The following CNTN5 variants were observed in gnomAD, a reference collection of about 807,000 sequenced individuals.
CNTN5 encodes the protein contactin-5.
In CNTN5, 77 loss-of-function variants were observed where a neutral mutation model predicts 129.1. The ratio of observed to expected loss-of-function variants is 0.60; its 90% CI spans 0.50 to 0.72. The LOEUF is 0.72. Ranked by LOEUF, CNTN5 falls within the 30% of genes least tolerant of loss-of-function variation. The probability of loss-of-function intolerance (pLI) is 0.00; values close to 1 mark genes in which losing one functional copy is unlikely to be tolerated. For synonymous variants in CNTN5, 509 were observed against 465.6 expected (o/e 1.09, Z -1.20); for missense variants, 1,478 against 1,328.8 (o/e 1.11, Z -1.75).
chr11:99,635,732 G>T (rs988300064), intron 3 of CNTN5, among the ~76,000 whole-genome samples: 1 of 152,066 alleles, frequency 6.6e-6, no homozygotes, highest in Non-Finnish European at 1.5e-5. Context: ...AAAATGACAA[G>T]CTCATGGTAG....
intron 3 of CNTN5, among the ~76,000 whole-genome samples, chr11:99,726,426 G>C (rs9666801): frequency 8.9e-4 from 136 of 152,244 alleles, no homozygotes; most frequent in African/African-American, 3.0e-3. Flanking sequence ...GAAGCAAGGA[G>C]AGTTTGATAG....
intron 7 of CNTN5, among the ~76,000 whole-genome samples, chr11:99,929,134 C>A (rs974664716): frequency 2.0e-5 from 3 of 152,284 alleles, no homozygotes; most frequent in East Asian, 1.9e-4. Flanking sequence ...CAGTTCCCAA[C>A]AAGTTCCTCA....
At chr11:99,717,185 T>C (rs1955274945) in intron 3 of CNTN5, among the ~76,000 whole-genome samples, 2 of 152,098 alleles carry the variant, frequency 1.3e-5, no homozygotes. Flanking sequence ...TGCAAACCTG[T>C]AGTATTTGTA....
chr11:99,651,598 A>G (rs1952159765), intron 3 of CNTN5, among the ~76,000 whole-genome samples: 1 of 151,982 alleles, frequency 6.6e-6, no homozygotes, highest in Admixed American at 6.6e-5. Context: ...TTTTATTTTT[A>G]TCAAATCTGT....
chr11:99,274,070 T>C (rs1863307327), intron 1 of CNTN5, among the ~76,000 whole-genome samples: 1 of 151,766 alleles, frequency 6.6e-6, no homozygotes. Context: ...CTTCAAGTGC[T>C]CAGTAGCCAC....
intron 9 of CNTN5, among the ~76,000 whole-genome samples, chr11:100,029,236 T>A (rs1941582032): frequency 6.6e-6 from 1 of 152,186 alleles, no homozygotes; most frequent in Non-Finnish European, 1.5e-5. Context: ...TGAAATATTC[T>A]CTGCCTAAAA....
intron 21 of CNTN5, among the ~76,000 whole-genome samples, chr11:100,335,728 A>G (rs1952023935): frequency 6.6e-6 from 1 of 151,542 alleles, no homozygotes; most frequent in African/African-American, 2.4e-5. Context: ...AGATTATGCA[A>G]TTACACTCCA....
intron 6 of CNTN5, among the ~76,000 whole-genome samples, chr11:99,902,819 A>G (rs986978552): frequency 6.6e-6 from 1 of 152,152 alleles, no homozygotes; most frequent in African/African-American, 2.4e-5. Context: ...CTAAATGAAG[A>G]TCACAAATTA....
At chr11:100,062,315 A>G (rs1213596580) in intron 10 of CNTN5, among the ~76,000 whole-genome samples, 1 of 152,220 alleles carries the variant, frequency 6.6e-6, no homozygotes, top group Non-Finnish European at 1.5e-5. Context: ...CAAAAGCTTA[A>G]TGCCCTTTAC....
chr11:99,727,083 G>T (rs1380648601), intron 3 of CNTN5, among the ~76,000 whole-genome samples: 1 of 150,322 alleles, frequency 6.7e-6, no homozygotes, highest in Admixed American at 6.7e-5. Context: ...GAGGCTGGTG[G>T]ATCATGAGGT....
At chr11:99,772,966 G>T (rs1944995927) in intron 3 of CNTN5, among the ~76,000 whole-genome samples, 1 of 151,894 alleles carries the variant, frequency 6.6e-6, no homozygotes, top group Admixed American at 6.6e-5. Context: ...TTGTAAATAA[G>T]CAGCCACATA....
At chr11:99,252,888 G>T (rs1470875095) in intron 1 of CNTN5, among the ~76,000 whole-genome samples, 1 of 150,752 alleles carries the variant, frequency 6.6e-6, no homozygotes, top group South Asian at 2.1e-4. Flanking sequence ...TTTCTTTATG[G>T]TTTGTACATT....
rs189067899 is a variant in CNTN5 at position 100,237,176 on chromosome 11, A to G, written c.2005+12364A>G. Among the ~76,000 whole-genome samples, 161 of 147,942 alleles carry G rather than the reference A, an allele frequency of 1.1e-3. 1 individual carries two copies. In the East Asian group the frequency reaches 0.018, roughly 17 times the overall value. ...TGCACTCCAGCCTGGGCGACAGAGC[A>G]AGACTCCGTCTCAAAAAAAAAAAAA... On this transcript the variant is annotated intron_variant, in intron 16 of 24. Transcript: ENST00000524871.
At chr11:99,049,799 T>C (rs1428377861) in intron 1 of CNTN5, 1 of 152,156 alleles carries the variant, frequency 6.6e-6, no homozygotes, top group African/African-American at 2.4e-5. Context: ...ATATCCCTAT[T>C]GTCAATTGTC....
At chr11:100,321,038 G>A (rs910266477) in intron 21 of CNTN5, among the ~76,000 whole-genome samples, 3 of 151,932 alleles carry the variant, frequency 2.0e-5, no homozygotes, top group Non-Finnish European at 4.4e-5. Context: ...TTGGCTATTT[G>A]GGGACTTTTG....
rs886243263 is a variant in CNTN5 at position 100,258,052 on chromosome 11, T to G, written c.2164+2134T>G. ...CTAAGAACCTTGAAAAAAGGTTAGA[T>G]GAATTACTAACTAAAATAACCAGTT... On this transcript the variant is annotated intron_variant, in intron 17 of 24. Transcript: ENST00000524871. Among the ~76,000 whole-genome samples the G allele has an allele frequency of 2.0e-5, 3 of 152,048 alleles. No individual in the cohort carries two copies. In the East Asian group the frequency reaches 5.8e-4, roughly 29 times the overall value.
intron 3 of CNTN5, among the ~76,000 whole-genome samples, chr11:99,644,721 CACT>C (rs1464688481): frequency 6.6e-6 from 1 of 152,092 alleles, no homozygotes; most frequent in African/African-American, 2.4e-5. Flanking sequence ...CTGAGCAAAG[CACT>C]ACAAGTTATT....
intron 3 of CNTN5, among the ~76,000 whole-genome samples, chr11:99,787,410 A>G (rs916957832): frequency 6.6e-6 from 1 of 151,738 alleles, no homozygotes; most frequent in African/African-American, 2.4e-5. Flanking sequence ...TATTTTTTAA[A>G]ACATTACTTA....
chr11:100,214,068 T>C (rs938940272), intron 15 of CNTN5, among the ~76,000 whole-genome samples: 1 of 152,198 alleles, frequency 6.6e-6, no homozygotes, highest in Non-Finnish European at 1.5e-5. Context: ...GACAAATATG[T>C]ATCTCATAAA....
Sources: allele counts gnomAD v4.1 joint callset (sites outside exome capture counted in the v4.1 genomes callset), GRCh38; gene constraint gnomAD v4.1.1; transcripts MANE v1.5; gene names NCBI Gene and HGNC (gene_info 2026-07-23, HGNC 2026-07-21).